The following CARMIL2 variants were observed in gnomAD, a reference collection of about 807,000 sequenced individuals.
CARMIL2 encodes capping protein, Arp2/3 and myosin-I linker protein 2.
A neutral mutation model predicts 173.3 loss-of-function variants in CARMIL2; 96 were observed. The observed-to-expected ratio is 0.55, with a 90% CI of 0.47 to 0.66. The LOEUF is 0.66. CARMIL2 is among the 30% of genes least tolerant of loss of function. CARMIL2 has a pLI of 0.00. For synonymous variants in CARMIL2, 830 were observed against 817.1 expected (o/e 1.02, Z -0.27); for missense variants, 1,771 against 1,906.7 (o/e 0.93, Z 1.33).
At position 67,646,828 on chromosome 16, in the gene CARMIL2, C is replaced by A; in HGVS notation, c.537+44C>A. On this transcript the variant is annotated intron_variant, in intron 7 of 37. Coordinates refer to ENST00000334583, the MANE Select transcript of CARMIL2 (RefSeq NM_001013838.3). This position sits in a 1 kb window ranked among gnomAD's most constrained non-coding sequence, Gnocchi z 4.6. ...TGAAGGGCTCTGGAGACATCTGGTCCCCCATGTGTGCTGAGCCCCTCCCTG... is the reference window on the plus strand; with the variant it reads ...TGAAGGGCTCTGGAGACATCTGGTCACCCATGTGTGCTGAGCCCCTCCCTG... 1 of 1,611,360 alleles carries A rather than the reference C, an allele frequency of 6.2e-7. No homozygotes were observed.
At position 67,645,262 on chromosome 16, in the gene CARMIL2, G is replaced by A. The variant is rs150240090; in HGVS notation, c.16G>A (p.Asp6Asn). 53 of 1,602,622 alleles carry A rather than the reference G, an allele frequency of 3.3e-5. No individual in the cohort carries two copies. The highest frequency in any genetic ancestry group is 4.3e-5 in the Non-Finnish European group (50 of 1,175,422). Residue 6 changes from aspartate (D) to asparagine (N), a missense_variant, in exon 1 of 38, where the codon GAC becomes AAC. By Grantham distance (23) the Asp-to-Asn change is conservative. This residue lies in a region of CARMIL2 where 944 missense variants were observed against 975.6 expected (regional missense o/e 0.97). Transcript: ENST00000334583. ...CGCCCGGCCCATGGCCCAGACCCCC[G>A]ACGGCATCTCCTGTGAGCTCCGAGG... MAQTP[D>N]GISCELRGEI... is the part of the protein sequence containing the mutation.
Position 67,657,058 on chromosome 16 carries a change from C to A in CARMIL2, c.4117+177C>A. The A allele has an allele frequency of 1.3e-6, 1 of 754,262 alleles. No individual in the cohort carries two copies. The highest frequency in any genetic ancestry group is 2.2e-6 in the Non-Finnish European group (1 of 458,074). 46.7% of individuals were successfully genotyped at this position (754,262 alleles called of 1,614,324 possible). ...TGACAGCAAGCCCTTCCAACTAGCA[C>A]TGGCTCCACTTCCCGAAGAGCAGCC... On this transcript the variant is annotated intron_variant, in intron 36 of 37. Transcript: ENST00000334583. This position sits in a 1 kb window ranked among gnomAD's most constrained non-coding sequence, Gnocchi z 4.5.
chr16:67,648,990 A>G lies in CARMIL2; in HGVS notation c.1591+16A>G. 1.9e-6 allele frequency: 3 copies of G among 1,605,750 alleles called. No individual in the cohort carries two copies. Among genetic ancestry groups the G allele is most frequent in the Non-Finnish European group, 2.5e-6 (3 of 1,176,564 alleles). ...GCGGATAACGGTGAGGCTGCAGGAG[A>G]GCCCATCCTCGCATCATCCACTCGA... On this transcript the variant is annotated intron_variant, in intron 17 of 37. Transcript: ENST00000334583. The surrounding 1 kb of genome is among the most constrained non-coding windows in gnomAD (Gnocchi z 6.1).
chr16:67,650,213 C>G, intron 22 of CARMIL2, 63 bp downstream of exon 22: 1 of 1,396,874 alleles, frequency 7.2e-7, no homozygotes, highest in Non-Finnish European at 9.9e-7. Flanking sequence ...ATCCGGGAGC[C>G]TCCATGAGTC....
Position 67,652,960 on chromosome 16 carries a change from C to T in CARMIL2, c.2885-59C>T. The T allele has an allele frequency of 1.1e-6, 1 of 937,580 alleles. No individual in the cohort carries two copies. Among genetic ancestry groups the T allele is most frequent in the Non-Finnish European group, 1.4e-6 (1 of 710,224 alleles). 58.1% of individuals were successfully genotyped at this position (937,580 alleles called of 1,614,324 possible). A position where few individuals can be genotyped will look rare whatever the true frequency, so the allele number is the denominator to read the frequency against. On this transcript the variant is annotated intron_variant, in intron 28 of 37. Transcript: ENST00000334583. This position sits in a 1 kb window ranked among gnomAD's most constrained non-coding sequence, Gnocchi z 4.7. ...GGGCGGGTCCCCCGCCGCCCTAGCG[C>T]CTCCGCCGCCACCTCCCCGGGCTCG...
chr16:67,649,742 T>A lies in CARMIL2; in HGVS notation c.1920-64T>A. On this transcript the variant is annotated intron_variant, in intron 20 of 37. Transcript: ENST00000334583. This position sits in a 1 kb window ranked among gnomAD's most constrained non-coding sequence, Gnocchi z 6.7. The stretch of plus-strand genomic sequence containing the variant: ...GAGCAGGCTGACGAGGCGAATGGAC[T>A]AGGCCGAGGGTTGGGTGGGGCGTTG... 10 of 1,582,486 alleles carry A rather than the reference T, an allele frequency of 6.3e-6. No individual in the cohort carries two copies. Among genetic ancestry groups the A allele is most frequent in the Non-Finnish European group, 8.6e-6 (10 of 1,163,134 alleles).
rs779908785 is a variant in CARMIL2, at chr16:67,654,576, A to C, written c.3466A>C (p.Ser1156Arg). ...EELGGAEGDT[S>R]SPDPAGRSRP... ...GCTTGGTGGGGCTGAGGGGGACACC[A>C]GCAGCCCTGACCCTGCCGGCAGGAG... is the stretch of plus-strand genomic sequence containing the variant. Residue 1156 changes from serine to arginine, a missense_variant, in exon 31 of 38, where the codon AGC (serine) becomes CGC (arginine). Transcript: ENST00000334583. 1.9e-6 allele frequency: 3 copies of C among 1,611,060 alleles called. No individual in the cohort carries two copies. The highest frequency in any genetic ancestry group is 2.2e-5 in the South Asian group (2 of 90,932).
intron 2 of CARMIL2, 30 bp downstream of exon 2, chr16:67,645,661 C>T (rs768450242): frequency 2.5e-5 from 41 of 1,612,466 alleles, no homozygotes; most frequent in Admixed American, 1.7e-4. Flanking sequence ...GCCGGGGAGG[C>T]GGCTGTGGCC....
Position 67,645,597 on chromosome 16 carries a change from TA to T in CARMIL2, c.99del (p.Glu36ArgfsTer26). The stretch of plus-strand genomic sequence containing the variant: ...GTGGAGCTGCTGCTGAAAACCTGGC[TA>T]CCCGGGGAGGGTGCTGTGCAAAACC... ...KEVELLLKTWLPGEGAVQNHV... is the reference protein window; with the variant it reads ...KEVELLLKTWXPGEGAVQNHV... On this transcript the variant is annotated frameshift_variant, in exon 2 of 38. Coordinates refer to ENST00000334583, the MANE Select transcript of CARMIL2 (RefSeq NM_001013838.3). LOFTEE classifies it high-confidence loss of function. The T allele has an allele frequency of 6.2e-7, 1 of 1,613,398 alleles. No homozygotes were observed. The highest frequency in any genetic ancestry group is 8.5e-7 in the Non-Finnish European group (1 of 1,179,754).
In CARMIL2 at chr16:67,650,035, C is replaced by T. The variant is rs768860675; in HGVS notation, c.2083-14C>T. 6.8e-6 allele frequency: 11 copies of T among 1,613,538 alleles called. No homozygotes were observed. Among genetic ancestry groups the T allele is most frequent in the Non-Finnish European group, 8.5e-6 (10 of 1,179,742 alleles). Reference sequence around the variant, plus strand: ...CTCCGTCCCTCGGCATTTCTCAATACCCCTTGCCCCTAGATCCAAGCCTGT... The same window carrying T: ...CTCCGTCCCTCGGCATTTCTCAATATCCCTTGCCCCTAGATCCAAGCCTGT... On this transcript the variant is annotated splice_polypyrimidine_tract_variant and intron_variant, in intron 21 of 37. Transcript: ENST00000334583.
Position 67,649,822 on chromosome 16 carries a change from C to G in CARMIL2, c.1936C>G (p.Arg646Gly). The change falls in exon 21 of 38, where the codon CGG becomes GGG. Residue 646 changes from arginine (R) to glycine (G), a missense_variant. Around this residue, in one of 3 missense-constraint regions of CARMIL2, gnomAD observed 944 missense variants for 975.6 expected, o/e 0.97. Coordinates refer to ENST00000334583, the MANE Select transcript of CARMIL2 (RefSeq NM_001013838.3). The surrounding 1 kb of genome is among the most constrained non-coding windows in gnomAD (Gnocchi z 6.7). ...CCGGCCCAGGTCTGTGGTCTGGGAC[C>G]GGAACCACACATCTGCTTTGGGTCT... ...NSRLRSVVWD[R>G]NHTSALGLLD... The G allele has an allele frequency of 6.2e-7, 1 of 1,612,104 alleles. No individual in the cohort carries two copies. Among genetic ancestry groups the G allele is most frequent in the Non-Finnish European group, 8.5e-7 (1 of 1,179,364 alleles).
Position 67,652,894 on chromosome 16 carries a change from CG to C in CARMIL2, c.2885-119del. 8.6e-6 allele frequency: 2 copies of C among 233,788 alleles called. No individual in the cohort carries two copies. The highest frequency in any genetic ancestry group is 1.5e-5 in the Non-Finnish European group (2 of 130,722). The allele number at this position is 233,788 out of a possible 1,614,324, so 14.5% of individuals were successfully genotyped here. ...GGGGAGGGGCGGAGGGGCAGAGGGGCGGGGGGACGGGCGGCGTAGCCGGGCC... is the reference window on the plus strand; with the variant it reads ...GGGGAGGGGCGGAGGGGCAGAGGGGCGGGGGACGGGCGGCGTAGCCGGGCC... On this transcript the variant is annotated intron_variant, in intron 28 of 37. Transcript: ENST00000334583. The surrounding 1 kb of genome is among the most constrained non-coding windows in gnomAD (Gnocchi z 4.7).
At position 67,654,488 on chromosome 16, in the gene CARMIL2, A is replaced by C; in HGVS notation, c.3378A>C (p.Arg1126=). The C allele has an allele frequency of 5.0e-6, 8 of 1,612,832 alleles. No homozygotes were observed. Among genetic ancestry groups the C allele is most frequent in the Non-Finnish European group, 6.8e-6 (8 of 1,179,680 alleles). ...AGACCAGCCCTGGGGCAGCTCCCCG[A>C]ACCCGAAAAACTACATTTGGCGACC... ...DLETSPGAAP[R]TRKTTFGDLL... is the part of the protein sequence containing the mutation. Residue 1126 remains arginine, a synonymous_variant, in exon 31 of 38, where the codon CGA becomes CGC. Transcript: ENST00000334583.
chr16:67,648,575 T>G lies in CARMIL2; in HGVS notation c.1439+73T>G, dbSNP rs2052647616. 2.2e-6 allele frequency: 3 copies of G among 1,337,218 alleles called. No homozygotes were observed. Among genetic ancestry groups the G allele is most frequent in the Middle Eastern group, 2.3e-4 (1 of 4,404 alleles). The allele number at this position is 1,337,218 out of a possible 1,614,324, so 82.8% of individuals were successfully genotyped here. Reference sequence around the variant, plus strand: ...CCTGGCCTTCGCCCCTCCCCGCTCCTGCTTCTGTCGCTCCCACAACCTCCC... The same window carrying G: ...CCTGGCCTTCGCCCCTCCCCGCTCCGGCTTCTGTCGCTCCCACAACCTCCC... On this transcript the variant is annotated intron_variant, in intron 15 of 37. Transcript: ENST00000334583. The surrounding 1 kb of genome is among the most constrained non-coding windows in gnomAD (Gnocchi z 6.1).
In CARMIL2 at chr16:67,653,208, G is replaced by T; in HGVS notation, c.3074G>T (p.Arg1025Leu). Residue 1025 changes from arginine (R) to leucine (L), a missense_variant, in exon 29 of 38, where the codon CGG (arginine) becomes CTG (leucine). By Grantham distance (102) the Arg-to-Leu change is moderately radical. Around this residue, in one of 3 missense-constraint regions of CARMIL2, gnomAD observed 817 missense variants for 903.5 expected, o/e 0.90. Coordinates refer to ENST00000334583, the MANE Select transcript of CARMIL2 (RefSeq NM_001013838.3). The surrounding 1 kb of genome is among the most constrained non-coding windows in gnomAD (Gnocchi z 7.4). ...CGCCATCCGACCCGGGCCCGGCCGC[G>T]GCCGCGCCGCCAGCACCACCACCGC... is the stretch of plus-strand genomic sequence containing the variant. ...PLRHPTRARP[R>L]PRRQHHHRPP... 3.5e-6 allele frequency: 4 copies of T among 1,135,050 alleles called. No homozygotes were observed. Among genetic ancestry groups the T allele is most frequent in the Non-Finnish European group, 4.3e-6 (4 of 925,760 alleles). 70.3% of individuals were successfully genotyped at this position (1,135,050 alleles called of 1,614,324 possible). A position where few individuals can be genotyped will look rare whatever the true frequency, so the allele number is the denominator to read the frequency against.
At position 67,648,212 on chromosome 16, in the gene CARMIL2, G is replaced by A. The variant is rs1442992801; in HGVS notation, c.1232G>A (p.Gly411Asp). ...CGGGGAGGGCTCGGTCCCCCCGCGG[G>A]TGTAGCCAACAGCCTCCCCCCGCAG... ...AGRGGLGPPA[G>D]VANSLPPQLF... Residue 411 changes from glycine (G) to aspartate (D), a missense_variant, in exon 14 of 38, where the codon GGT becomes GAT. Coordinates refer to ENST00000334583, the MANE Select transcript of CARMIL2 (RefSeq NM_001013838.3). The surrounding 1 kb of genome is among the most constrained non-coding windows in gnomAD (Gnocchi z 6.1). 3 of 1,605,228 alleles carry A rather than the reference G, an allele frequency of 1.9e-6. No homozygotes were observed. In the East Asian group the frequency reaches 6.7e-5, roughly 36 times the overall value.
Position 67,654,505 on chromosome 16 carries a change from T to C in CARMIL2, c.3395T>C (p.Phe1132Ser). 1 of 1,612,558 alleles carries C rather than the reference T, an allele frequency of 6.2e-7. No individual in the cohort carries two copies. Among genetic ancestry groups the C allele is most frequent in the Non-Finnish European group, 8.5e-7 (1 of 1,179,634 alleles). Residue 1132 changes from phenylalanine (F) to serine (S), a missense_variant, in exon 31 of 38, where the codon TTT becomes TCT. Physicochemically the swap from Phe to Ser is radical, Grantham distance 155. Around this residue, in one of 3 missense-constraint regions of CARMIL2, gnomAD observed 817 missense variants for 903.5 expected, o/e 0.90. Transcript: ENST00000334583. ...GAAPRTRKTT[F>S]GDLLRPPTRP... is the part of the protein sequence containing the mutation. ...GCTCCCCGAACCCGAAAAACTACAT[T>C]TGGCGACCTACTGCGGCCGCCAACC...
chr16:67,645,622 C>A lies in CARMIL2; in HGVS notation c.123C>A (p.Asn41Lys). 1 of 1,613,620 alleles carries A rather than the reference C, an allele frequency of 6.2e-7. No individual in the cohort carries two copies. The highest frequency in any genetic ancestry group is 8.5e-7 in the Non-Finnish European group (1 of 1,179,826). Residue 41 changes from asparagine to lysine, a missense_variant, in exon 2 of 38, where the codon AAC becomes AAA. By Grantham distance (94) the Asn-to-Lys change is moderately conservative (BLOSUM62 0). This residue lies in a region of CARMIL2 where 944 missense variants were observed against 975.6 expected (regional missense o/e 0.97). Coordinates refer to ENST00000334583, the MANE Select transcript of CARMIL2 (RefSeq NM_001013838.3). ...TWLPGEGAVQ[N>K]HVLALLRWRA... is the part of the protein sequence containing the mutation. ...TACCCGGGGAGGGTGCTGTGCAAAA[C>A]CATGTCCTGGTATGGGGCAGGGGAC...
Position 67,651,413 on chromosome 16 carries a change from C to A in CARMIL2, c.2326C>A (p.Leu776Ile). 1.9e-6 allele frequency: 3 copies of A among 1,589,066 alleles called. No individual in the cohort carries two copies. Among genetic ancestry groups the A allele is most frequent in the Non-Finnish European group, 2.6e-6 (3 of 1,165,130 alleles). ...CTTTGGCCCTCAGATTCTCCCCATTCTATATGAAGCTGGAAGCTCCCCAAG... is the reference window on the plus strand; with the variant it reads ...CTTTGGCCCTCAGATTCTCCCCATTATATATGAAGCTGGAAGCTCCCCAAG... ...ANFSLSILPI[L>I]YEAGSSPSHH... The change falls in exon 24 of 38, where the codon CTA (leucine) becomes ATA (isoleucine). Residue 776 changes from leucine (L) to isoleucine (I), a missense_variant. By Grantham distance (5) the Leu-to-Ile change is conservative. Transcript: ENST00000334583. This position sits in a 1 kb window ranked among gnomAD's most constrained non-coding sequence, Gnocchi z 4.2.
Sources: gnomAD v4.1 joint callset for allele counts on GRCh38, gnomAD v4.1.1 for gene constraint, gnomAD v4.1.1 regional missense constraint, Gnocchi (gnomAD v3.1) non-coding constraint, MANE v1.5 for transcripts, NCBI Gene and HGNC (gene_info 2026-07-23, HGNC 2026-07-21) for gene names.